GRAP2: variants seen among roughly 807,000 people sequenced by gnomAD.
GRAP2 encodes the protein GRB2-related adapter protein 2.
GRAP2 carries 31 observed loss-of-function variants against 43.5 expected under a neutral mutation model. The observed-to-expected ratio is 0.71, with a 90% confidence interval of 0.54 to 0.96. The LOEUF is 0.96. GRAP2 is among the 40% of genes least tolerant of loss of function. The pLI, the probability that GRAP2 is intolerant of heterozygous loss-of-function variation, is 0.00. For synonymous variants in GRAP2, 156 were observed against 164.8 expected (o/e 0.95, Z 0.41); for missense variants, 371 against 424.4 (o/e 0.87, Z 1.11).
intron 1 of GRAP2, among the ~76,000 whole-genome samples, chr22:39,945,735 A>G (rs1036347824): frequency 1.3e-5 from 2 of 152,360 alleles, no homozygotes; most frequent in Middle Eastern, 3.4e-3. Flanking sequence ...TGGAGTGAGG[A>G]AAGAAAACTT....
At chr22:39,946,890 T>C (rs1283148796) in intron 1 of GRAP2, 6 of 482,230 alleles carry the variant, frequency 1.2e-5, no homozygotes, top group Admixed American at 3.5e-5. Context: ...ATTCCGAGAA[T>C]GATCCCAGGA....
intron 1 of GRAP2, among the ~76,000 whole-genome samples, chr22:39,910,469 C>T (rs1428921475): frequency 3.3e-5 from 5 of 151,700 alleles, no homozygotes; most frequent in Non-Finnish European, 7.4e-5. Context: ...AGTGCAGTGG[C>T]GCAATCTCGG....
intron 5 of GRAP2, among the ~76,000 whole-genome samples, chr22:39,967,417 A>G (rs761309193): frequency 3.3e-5 from 5 of 152,214 alleles, no homozygotes; most frequent in Non-Finnish European, 7.3e-5. Context: ...AGCGCTTAGA[A>G]CAGTGCCTGG....
chr22:39,936,146 G>A (rs973007129), intron 1 of GRAP2, among the ~76,000 whole-genome samples: 10 of 152,090 alleles, frequency 6.6e-5, no homozygotes, highest in Non-Finnish European at 1.2e-4. Context: ...TTTGTAAAAT[G>A]TCTGTCTGTC....
chr22:39,921,606 T>C lies in GRAP2; in HGVS notation c.-15+20276T>C, dbSNP rs561267936. On this transcript the variant is annotated intron_variant, in intron 1 of 7. Coordinates refer to ENST00000344138, the MANE Select transcript of GRAP2 (RefSeq NM_004810.4). ...TTATTAAAAACCATTATTAAGTCTC[T>C]TCAAGTTTCTCTTTTGTAGTAAATG... Among the ~76,000 whole-genome samples the C allele has an allele frequency of 2.0e-5, 3 of 152,360 alleles. No individual in the cohort carries two copies. In the South Asian group the frequency reaches 6.2e-4, roughly 32 times the overall value.
intron 1 of GRAP2, chr22:39,926,994 G>A (rs1245104222): frequency 4.6e-6 from 1 of 215,424 alleles, no homozygotes; most frequent in Non-Finnish European, 7.9e-6. Context: ...GGCGGTCACT[G>A]GCTTTCTGAG....
At chr22:39,921,572 T>C (rs1236596793) in intron 1 of GRAP2, among the ~76,000 whole-genome samples, 1 of 152,236 alleles carries the variant, frequency 6.6e-6, no homozygotes, top group Non-Finnish European at 1.5e-5. Context: ...ATCCTTGGAG[T>C]ACAATCTTTT....
At chr22:39,938,921 A>G (rs1234128509) in intron 1 of GRAP2, among the ~76,000 whole-genome samples, 3 of 152,142 alleles carry the variant, frequency 2.0e-5, no homozygotes, top group Non-Finnish European at 2.9e-5. Context: ...TAATTCTCGG[A>G]CAAGCTGCAG....
intron 1 of GRAP2, among the ~76,000 whole-genome samples, chr22:39,939,185 A>G (rs2066838591): frequency 6.6e-6 from 1 of 152,226 alleles, no homozygotes; most frequent in Admixed American, 6.5e-5. Context: ...AGAAATGTTT[A>G]TATCTCTTGG....
At chr22:39,942,756 C>T (rs1418104644) in intron 1 of GRAP2, among the ~76,000 whole-genome samples, 2 of 152,196 alleles carry the variant, frequency 1.3e-5, no homozygotes, top group African/African-American at 4.8e-5. Flanking sequence ...CACCACTGCA[C>T]ATCAGCCTGG....
chr22:39,905,668 G>A (rs566054295), intron 1 of GRAP2, among the ~76,000 whole-genome samples: 1 of 152,146 alleles, frequency 6.6e-6, no homozygotes, highest in Non-Finnish European at 1.5e-5. Flanking sequence ...TTCTTCTAAT[G>A]GTGCAATGAA....
chr22:39,951,316 C>T (rs1330036899), intron 2 of GRAP2, among the ~76,000 whole-genome samples: 9 of 152,190 alleles, frequency 5.9e-5, no homozygotes, highest in Non-Finnish European at 1.3e-4. Context: ...TTAAATTTGC[C>T]AGTAGCTTTG....
intron 1 of GRAP2, among the ~76,000 whole-genome samples, chr22:39,909,748 A>G (rs1038997433): frequency 6.6e-6 from 1 of 152,236 alleles, no homozygotes; most frequent in African/African-American, 2.4e-5. Flanking sequence ...ATTAAAAAAC[A>G]GCTCAAGATG....
chr22:39,946,288 C>G (rs1389677997), intron 1 of GRAP2, among the ~76,000 whole-genome samples: 1 of 152,164 alleles, frequency 6.6e-6, no homozygotes, highest in Non-Finnish European at 1.5e-5. Context: ...TATCTACCAA[C>G]AAAACTGGGA....
the GRAP2 span, among the ~76,000 whole-genome samples, chr22:39,896,061 A>T: frequency 6.6e-6 from 1 of 152,228 alleles, no homozygotes; most frequent in African/African-American, 2.4e-5. Context: ...ACTCAGTCAC[A>T]AGTGGACTTG....
intron 1 of GRAP2, among the ~76,000 whole-genome samples, chr22:39,943,203 C>T (rs1416118391): frequency 2.0e-5 from 3 of 152,140 alleles, no homozygotes; most frequent in Admixed American, 2.0e-4. Flanking sequence ...TCTGGGTTTC[C>T]AATGGAGGTT....
chr22:39,969,745 G>A (rs887595791), intron 7 of GRAP2, among the ~76,000 whole-genome samples: 7 of 151,976 alleles, frequency 4.6e-5, no homozygotes, highest in Non-Finnish European at 8.8e-5. Flanking sequence ...GAAACCTCAC[G>A]TCTACTAAAA....
chr22:39,914,463 G>C (rs936204099), intron 1 of GRAP2, among the ~76,000 whole-genome samples: 1 of 119,936 alleles, frequency 8.3e-6, no homozygotes, highest in Non-Finnish European at 1.7e-5. Flanking sequence ...TCTAGAGAAG[G>C]CATCATACTG....
In GRAP2 at chr22:39,950,971, A is replaced by G. The variant is rs78687740; in HGVS notation, c.78+3787A>G. Among the ~76,000 whole-genome samples the G allele has an allele frequency of 6.1e-3, 931 of 152,358 alleles. 13 individuals are homozygous for G. Among genetic ancestry groups the G allele is most frequent in the African/African-American group, 0.021 (881 of 41,584 alleles). ...TCTGACTTGTTTGGCCTTTTGTGCT[A>G]AAGACTAAACAGAGGTTTTCATTAG... On this transcript the variant is annotated intron_variant, in intron 2 of 7. Transcript: ENST00000344138.
Sources: gnomAD v4.1 joint callset for allele counts (sites outside exome capture counted in the v4.1 genomes callset) on GRCh38, gnomAD v4.1.1 for gene constraint, MANE v1.5 for transcripts, NCBI Gene and HGNC (gene_info 2026-07-23, HGNC 2026-07-21) for gene names.